KCNIP4: variants seen among roughly 807,000 people sequenced by gnomAD.
KCNIP4 encodes the protein Kv channel-interacting protein 4.
KCNIP4 carries 12 observed loss-of-function variants against 34.0 expected under a neutral mutation model. The ratio of observed to expected loss-of-function variants is 0.35; its 90% CI spans 0.23 to 0.57. The LOEUF (loss-of-function observed/expected upper bound fraction) is 0.57. KCNIP4 is among the 20% of genes least tolerant of loss of function. The pLI is 0.83. For synonymous variants in KCNIP4, 124 were observed against 102.2 expected (o/e 1.21, Z -1.29); for missense variants, 238 against 311.7 (o/e 0.76, Z 1.78).
intron 1 of KCNIP4, among the ~76,000 whole-genome samples, chr4:21,215,956 C>T (rs747497515): frequency 5.9e-5 from 9 of 152,084 alleles, no homozygotes; most frequent in Non-Finnish European, 1.0e-4. Flanking sequence ...GCTGGGACCA[C>T]AGGCATGTGC....
chr4:21,591,212 T>C (rs1332393901), intron 1 of KCNIP4, among the ~76,000 whole-genome samples: 17 of 151,988 alleles, frequency 1.1e-4, no homozygotes, highest in Admixed American at 1.1e-3. Context: ...AGGAACGTTA[T>C]AGGAATGAAC....
intron 3 of KCNIP4, among the ~76,000 whole-genome samples, chr4:20,813,697 G>T (rs1024233798): frequency 6.6e-6 from 1 of 152,080 alleles, no homozygotes; most frequent in African/African-American, 2.4e-5. Context: ...ATATAAGTGC[G>T]ACATATATAT....
At chr4:21,133,982 C>G (rs1751301694) in intron 1 of KCNIP4, among the ~76,000 whole-genome samples, 1 of 152,164 alleles carries the variant, frequency 6.6e-6, no homozygotes, top group Admixed American at 6.6e-5. Flanking sequence ...GAATGTCTTT[C>G]TTCTTTCCCC....
intron 1 of KCNIP4, among the ~76,000 whole-genome samples, chr4:21,810,977 T>A (rs548894872): frequency 6.6e-6 from 1 of 152,178 alleles, no homozygotes; most frequent in South Asian, 2.1e-4. Flanking sequence ...TAAGTTAACA[T>A]GAAAATTTTT....
rs189009876 is a variant in KCNIP4 at position 21,806,235 on chromosome 4, A to G, written c.61+142336T>C. On this transcript the variant is annotated intron_variant, in intron 1 of 8. Coordinates refer to ENST00000382152, the MANE Select transcript of KCNIP4 (RefSeq NM_025221.6). ...GTTAAGGTGGGACAATAAAATACATACATTGTGTCATGTAGCATCACAGGG... is the reference window on the plus strand; with the variant it reads ...GTTAAGGTGGGACAATAAAATACATGCATTGTGTCATGTAGCATCACAGGG... Among the ~76,000 whole-genome samples the G allele has an allele frequency of 1.4e-3, 211 of 152,372 alleles. 1 individual carries two copies. The highest frequency in any genetic ancestry group is 4.8e-3 in the African/African-American group (200 of 41,588).
At chr4:21,569,515 A>G (rs941641496) in intron 1 of KCNIP4, among the ~76,000 whole-genome samples, 1 of 152,070 alleles carries the variant, frequency 6.6e-6, no homozygotes, top group Non-Finnish European at 1.5e-5. Flanking sequence ...GGGCTTCCTC[A>G]CATAGCAAAG....
At position 21,872,956 on chromosome 4, in the gene KCNIP4, A is replaced by G. The variant is rs533409840; in HGVS notation, c.61+75615T>C. ...CCACTTGGAAGTGGTCTGGAACTTA[A>G]AACCTAATCATTCATGATTTCCAAC... On this transcript the variant is annotated intron_variant, in intron 1 of 8. Transcript: ENST00000382152. 5.9e-5 allele frequency among the ~76,000 whole-genome samples: 9 copies of G among 152,320 alleles called. No individual in the cohort carries two copies. The South Asian group carries it at 1.7e-3, about 28-fold the overall frequency.
intron 1 of KCNIP4, among the ~76,000 whole-genome samples, chr4:21,169,477 T>C (rs956127791): frequency 6.6e-6 from 1 of 152,072 alleles, no homozygotes; most frequent in African/African-American, 2.4e-5. Context: ...CTAGAGATGG[T>C]TACTTAAGCA....
chr4:21,433,736 T>C (rs1414145834), intron 1 of KCNIP4, among the ~76,000 whole-genome samples: 2 of 152,192 alleles, frequency 1.3e-5, no homozygotes, highest in African/African-American at 4.8e-5. Context: ...GTTTATCCTC[T>C]GCTATAGCCA....
intron 1 of KCNIP4, among the ~76,000 whole-genome samples, chr4:21,799,198 T>C (rs1413732564): frequency 6.6e-6 from 1 of 152,134 alleles, no homozygotes; most frequent in Non-Finnish European, 1.5e-5. Context: ...AAGAATTTTC[T>C]TTAGTATTCA....
chr4:21,576,959 T>C (rs1045062802), intron 1 of KCNIP4, among the ~76,000 whole-genome samples: 8 of 152,186 alleles, frequency 5.3e-5, no homozygotes, highest in Admixed American at 2.0e-4. Flanking sequence ...ATTGAGCATA[T>C]CTTTTCTTCC....
intron 1 of KCNIP4, among the ~76,000 whole-genome samples, chr4:21,276,576 G>A (rs939034115): frequency 4.6e-5 from 7 of 152,086 alleles, no homozygotes; most frequent in Admixed American, 4.6e-4. Flanking sequence ...AGTGCTTTGA[G>A]TTTGAAGTTG....
At chr4:21,115,929 T>C (rs1749636814) in intron 1 of KCNIP4, among the ~76,000 whole-genome samples, 1 of 152,248 alleles carries the variant, frequency 6.6e-6, no homozygotes, top group Non-Finnish European at 1.5e-5. Flanking sequence ...CAAATGTTTT[T>C]GAAAGAGGAC....
At chr4:21,091,025 T>G (rs1418818541) in intron 1 of KCNIP4, among the ~76,000 whole-genome samples, 1 of 152,222 alleles carries the variant, frequency 6.6e-6, no homozygotes, top group Non-Finnish European at 1.5e-5. Context: ...AATGTTATCA[T>G]CCTTGGGGGC....
At chr4:21,306,386 T>A (rs1305318360) in intron 1 of KCNIP4, among the ~76,000 whole-genome samples, 1 of 152,176 alleles carries the variant, frequency 6.6e-6, no homozygotes, top group African/African-American at 2.4e-5. Context: ...TTCTTTTTTT[T>A]GAGAGAGAGA....
At chr4:21,716,435 G>T (rs183265860) in intron 1 of KCNIP4, among the ~76,000 whole-genome samples, 1 of 151,692 alleles carries the variant, frequency 6.6e-6, no homozygotes, top group Non-Finnish European at 1.5e-5. Context: ...ACAGGGTTTC[G>T]CAGTGTTGGC....
At chr4:21,303,870 T>C (rs758282396) in intron 1 of KCNIP4, 7 of 1,613,998 alleles carry the variant, frequency 4.3e-6, no homozygotes, top group East Asian at 2.2e-5. Context: ...ACAATGACGA[T>C]CAGAACTGCT....
intron 1 of KCNIP4, among the ~76,000 whole-genome samples, chr4:21,389,666 G>A (rs891431936): frequency 1.3e-5 from 2 of 151,838 alleles, no homozygotes; most frequent in Non-Finnish European, 2.9e-5. Flanking sequence ...ATTCCATGGT[G>A]TATATGTGCC....
intron 1 of KCNIP4, among the ~76,000 whole-genome samples, chr4:21,470,375 CA>C (rs1484980205): frequency 6.6e-6 from 1 of 152,186 alleles, no homozygotes; most frequent in African/African-American, 2.4e-5. Context: ...GAAGAAAATG[CA>C]ATATAGAATA....
Sources: allele counts gnomAD v4.1 joint callset (sites outside exome capture counted in the v4.1 genomes callset), GRCh38; gene constraint gnomAD v4.1.1; transcripts MANE v1.5; gene names NCBI Gene and HGNC (gene_info 2026-07-23, HGNC 2026-07-21).